Variants in PRKDC observed in about 807,000 individuals in gnomAD.
PRKDC encodes DNA-dependent protein kinase catalytic subunit.
Under a neutral mutation model 486.9 loss-of-function variants are expected in PRKDC, and 82 were observed. The observed-to-expected ratio is 0.17, with a 90% CI of 0.14 to 0.20. The LOEUF (loss-of-function observed/expected upper bound fraction) is 0.20, where lower values mean the gene tolerates loss of function less well. Among genes scored for constraint, PRKDC ranks in the 10% least tolerant of loss-of-function variants. The probability of loss-of-function intolerance (pLI) is 1.00; values close to 1 mark genes in which losing one functional copy is unlikely to be tolerated. For synonymous variants in PRKDC, 1,895 were observed against 1,837.0 expected, an observed-to-expected ratio of 1.03 and a Z score of -0.81; for missense variants, 4,504 against 5,038.2, an observed-to-expected ratio of 0.89 and a Z score of 3.21.
At chr8:47,940,607 G>A (rs2154504004) in intron 10 of PRKDC, among the ~76,000 whole-genome samples, 1 of 152,246 alleles carries the variant, frequency 6.6e-6, no homozygotes, top group Admixed American at 6.5e-5. Context: ...TATCATAAAT[G>A]TTTCTCAAGA....
At chr8:47,777,261 T>C (rs556170346) in intron 84 of PRKDC, among the ~76,000 whole-genome samples, 1 of 151,832 alleles carries the variant, frequency 6.6e-6, no homozygotes, top group Non-Finnish European at 1.5e-5. Flanking sequence ...CAGGCTGGAG[T>C]GCAGTGGCGT....
At chr8:47,959,265 A>G (rs2090768692) in intron 1 of PRKDC, 1 of 152,258 alleles carries the variant, frequency 6.6e-6, no homozygotes. Context: ...AGGCATTGCT[A>G]AAGAGTTAAA....
At position 47,873,891 on chromosome 8, in the gene PRKDC, T is replaced by C. The variant is rs575248387; in HGVS notation, c.5363+3833A>G. Among the ~76,000 whole-genome samples the C allele has an allele frequency of 9.2e-5, 14 of 151,586 alleles. No homozygotes were observed. The East Asian group carries it at 2.5e-3, about 27-fold the overall frequency. On this transcript the variant is annotated intron_variant, in intron 40 of 85. Coordinates refer to ENST00000314191, the MANE Select transcript of PRKDC (RefSeq NM_006904.7). Reference sequence around the variant, plus strand: ...GGTAAGAGGGAGGGGGAAATGGGGATAGTTAATGGGTACAAAAACATGGTT... The same window carrying C: ...GGTAAGAGGGAGGGGGAAATGGGGACAGTTAATGGGTACAAAAACATGGTT...
Position 47,893,180 on chromosome 8 carries a change from G to A in PRKDC, c.3806C>T (p.Thr1269Met), listed in dbSNP as rs772192357. 3.1e-6 allele frequency: 5 copies of A among 1,612,982 alleles called. No individual in the cohort carries two copies. Among genetic ancestry groups the A allele is most frequent in the East Asian group, 4.5e-5 (2 of 44,872 alleles). Residue 1269 changes from threonine to methionine, a missense_variant, in exon 31 of 86, where the codon ACG (threonine) becomes ATG (methionine). Thr to Met is a moderately conservative substitution (Grantham distance 81). This residue lies in a region of PRKDC where 1,969 missense variants were observed against 2,068.9 expected (regional missense o/e 0.95). Coordinates refer to ENST00000314191, the MANE Select transcript of PRKDC (RefSeq NM_006904.7). ...LLLAALECYN[T>M]FIGERTVGAL... ...TCCTACAGTTCTCTCGCCAATGAAC[G>A]TGTTGTAGCACTCCAACGCGGCCAG...
chr8:47,828,041 A>T, intron 62 of PRKDC, 127 bp downstream of exon 62: 1 of 851,652 alleles, frequency 1.2e-6, no homozygotes, highest in Non-Finnish European at 1.7e-6. Context: ...TAACCCAAAT[A>T]GTACATCTTA....
At chr8:47,888,942 C>G (rs2089394640) in intron 33 of PRKDC, 72 bp downstream of exon 33, 1 of 1,446,142 alleles carries the variant, frequency 6.9e-7, no homozygotes, top group African/African-American at 1.4e-5. Flanking sequence ...GGAGCAGCTG[C>G]AGGAGCACGG....
In PRKDC at chr8:47,783,749, T is replaced by G; in HGVS notation, c.11168A>C (p.Asp3723Ala). The G allele has an allele frequency of 6.2e-7, 1 of 1,613,892 alleles. No homozygotes were observed. The highest frequency in any genetic ancestry group is 8.5e-7 in the Non-Finnish European group (1 of 1,179,854). ...ACACACCCTCACACCTACCCGCTCA[T>G]CAAACCCGGCGATTCGCACGTGGTA... ...PEYHVRIAGF[D>A]ERVTVMASLR... The change falls in exon 78 of 86, where the codon GAT becomes GCT. Residue 3723 changes from aspartate (D) to alanine (A), a missense_variant. This residue lies in a region of PRKDC where 706 missense variants were observed against 945.0 expected (regional missense o/e 0.75). Transcript: ENST00000314191.
rs776249180 is a variant in PRKDC at position 47,774,387 on chromosome 8, AAAC to A, written c.12183-13_12183-11del. 6.2e-7 allele frequency: 1 copy of A among 1,609,938 alleles called. No individual in the cohort carries two copies. Among genetic ancestry groups the A allele is most frequent in the Non-Finnish European group, 8.5e-7 (1 of 1,178,684 alleles). On this transcript the variant is annotated splice_polypyrimidine_tract_variant and intron_variant, in intron 85 of 85. Coordinates refer to ENST00000314191, the MANE Select transcript of PRKDC (RefSeq NM_006904.7). ...CAGGAGTAGCTCATCACTGGAAAAA[AAAC>A]AAACACAGAAAACACAAAGCATGTG... is the stretch of plus-strand genomic sequence containing the variant.
At chr8:47,944,980 T>G (rs1182727141) in intron 7 of PRKDC, among the ~76,000 whole-genome samples, 2 of 152,260 alleles carry the variant, frequency 1.3e-5, no homozygotes, top group Non-Finnish European at 2.9e-5. Context: ...ATGAGTATTC[T>G]ATAAAGGCTT....
chr8:47,796,807 T>C (rs1401033012), intron 73 of PRKDC, among the ~76,000 whole-genome samples: 2 of 152,128 alleles, frequency 1.3e-5, no homozygotes, highest in African/African-American at 2.4e-5. Flanking sequence ...TTGGCCAGGC[T>C]GGTCTCGAAC....
chr8:47,862,149 T>C (rs1216911150), intron 43 of PRKDC, 22 bp from the exon 44 acceptor site: 3 of 1,528,022 alleles, frequency 2.0e-6, no homozygotes, highest in East Asian at 2.5e-5. Context: ...AAGAATCATA[T>C]AAAAATAGCT....
intron 20 of PRKDC, 146 bp from the exon 21 acceptor site, chr8:47,927,499 T>C (rs2090173465): frequency 9.5e-7 from 1 of 1,049,800 alleles, no homozygotes; most frequent in Non-Finnish European, 1.4e-6. Context: ...TCCAGGTAAT[T>C]AGGAGGAAAG....
At position 47,879,486 on chromosome 8, in the gene PRKDC, C is replaced by G; in HGVS notation, c.5235+5G>C. On this transcript the variant is annotated splice_donor_5th_base_variant and intron_variant, in intron 39 of 85. Coordinates refer to ENST00000314191, the MANE Select transcript of PRKDC (RefSeq NM_006904.7). ...TAATTTTACTTGATACTACTAGAAA[C>G]TAACCTTTTTCATGCAGTCCACATA... The G allele has an allele frequency of 1.3e-6, 2 of 1,556,690 alleles. No individual in the cohort carries two copies. Among genetic ancestry groups the G allele is most frequent in the East Asian group, 2.3e-5 (1 of 42,630 alleles).
At position 47,822,289 on chromosome 8, in the gene PRKDC, GA is replaced by G. The variant is rs76734626; in HGVS notation, c.8923-498del. On this transcript the variant is annotated intron_variant, in intron 64 of 85. Coordinates refer to ENST00000314191, the MANE Select transcript of PRKDC (RefSeq NM_006904.7). ...GCCTGGGTGACCCTGTTTTAAGAGA[GA>G]AAAAAAAAAAAAAGCCACAAAAATC... Among the ~76,000 whole-genome samples the G allele has an allele frequency of 9.5e-3, 951 of 99,700 alleles. 3 individuals are homozygous for G. The highest frequency in any genetic ancestry group is 0.016 in the South Asian group (54 of 3,324). The allele number at this position is 99,700 out of a possible 152,430, so 65.4% of individuals were successfully genotyped here. A position where few individuals can be genotyped will look rare whatever the true frequency, so the allele number is the denominator to read the frequency against.
intron 7 of PRKDC, among the ~76,000 whole-genome samples, chr8:47,948,126 G>A (rs879824013): frequency 5.6e-4 from 79 of 140,484 alleles, no homozygotes; most frequent in Non-Finnish European, 9.7e-4. Context: ...ACACACACAC[G>A]CGTTTATATA....
chr8:47,817,288 C>T (rs985939784), intron 68 of PRKDC, among the ~76,000 whole-genome samples, 162 bp downstream of exon 68: 3 of 152,106 alleles, frequency 2.0e-5, no homozygotes, highest in Admixed American at 6.5e-5. Context: ...ACTGCAGACA[C>T]GGAGAGCTCT....
At chr8:47,909,098 T>TGGTCACCCTGGCCC (rs1341867186) in intron 25 of PRKDC, among the ~76,000 whole-genome samples, 1 of 152,216 alleles carries the variant, frequency 6.6e-6, no homozygotes, top group Non-Finnish European at 1.5e-5. Context: ...AGGCAGTGTC[T>TGGTCACCCTGGCCC]GGTCACCCTG....
At chr8:47,957,091 T>C (rs936804545) in intron 3 of PRKDC, 80 bp downstream of exon 3, 2 of 937,520 alleles carry the variant, frequency 2.1e-6, no homozygotes, top group African/African-American at 1.7e-5. Flanking sequence ...ATCTTTAAAA[T>C]AAAAATCCAA....
At chr8:47,936,250 G>A in intron 12 of PRKDC, 103 bp downstream of exon 12, 1 of 1,290,306 alleles carries the variant, frequency 7.8e-7, no homozygotes, top group East Asian at 2.4e-5. Flanking sequence ...CTGTCATGTT[G>A]TTCCCAACAG....
Sources: allele counts gnomAD v4.1 joint callset (sites outside exome capture counted in the v4.1 genomes callset), GRCh38; gene constraint gnomAD v4.1.1; regional missense constraint gnomAD v4.1.1; transcripts MANE v1.5; gene names NCBI Gene and HGNC (gene_info 2026-07-23, HGNC 2026-07-21).